ZNF227: variants seen among roughly 807,000 people sequenced by gnomAD.
ZNF227 encodes zinc finger protein 227.
In ZNF227, 12 loss-of-function variants were observed where a neutral mutation model predicts 13.2. The observed-to-expected ratio is 0.91, with a 90% CI of 0.58 to 1.47. ZNF227 has a LOEUF of 1.47. ZNF227 is among the 40% of genes most tolerant of loss of function. The probability of loss-of-function intolerance (pLI) is 0.00; values close to 1 mark genes in which losing one functional copy is unlikely to be tolerated. For synonymous variants in ZNF227, 338 were observed against 326.0 expected (o/e 1.04, Z -0.40); for missense variants, 885 against 967.5 (o/e 0.91, Z 1.13).
chr19:44,224,533 T>C (rs1417433785), intron 3 of ZNF227, among the ~76,000 whole-genome samples: 1 of 152,202 alleles, frequency 6.6e-6, no homozygotes, highest in Non-Finnish European at 1.5e-5. Flanking sequence ...GCCTTCTTTG[T>C]CTCTTTTGAT....
chr19:44,209,227 C>A (rs1568585474), upstream of ZNF227, among the ~76,000 whole-genome samples: 1 of 152,186 alleles, frequency 6.6e-6, no homozygotes, highest in Non-Finnish European at 1.5e-5. Flanking sequence ...ATGACCCCCA[C>A]CCCGCCATCA....
At position 44,235,118 on chromosome 19, in the gene ZNF227, G is replaced by A; in HGVS notation, c.688G>A (p.Glu230Lys). Residue 230 changes from glutamate (E) to lysine (K), a missense_variant, in exon 6 of 6, where the codon GAA becomes AAA. By Grantham distance (56) the Glu-to-Lys change is moderately conservative. Coordinates refer to ENST00000313040, the MANE Select transcript of ZNF227 (RefSeq NM_182490.3). ...AGAACCAAAACCCTGCAAAGGTAAT[G>A]AATATGGCAAAATCATTAGTGATGG... The part of the protein sequence containing the change: ...DTEPKPCKGN[E>K]YGKIISDGSN... 6.2e-7 allele frequency: 1 copy of A among 1,614,138 alleles called. No individual in the cohort carries two copies. Among genetic ancestry groups the A allele is most frequent in the Non-Finnish European group, 8.5e-7 (1 of 1,180,038 alleles).
At chr19:44,222,066 T>G (rs1432168128) in intron 3 of ZNF227, among the ~76,000 whole-genome samples, 2 of 152,194 alleles carry the variant, frequency 1.3e-5, no homozygotes, top group African/African-American at 2.4e-5. Context: ...AAAGATCAGA[T>G]AGTTGTAGAT....
In ZNF227 at chr19:44,235,459, C is replaced by T; in HGVS notation, c.1029C>T (p.Tyr343=). The T allele has an allele frequency of 6.2e-7, 1 of 1,614,090 alleles. No homozygotes were observed. Among genetic ancestry groups the T allele is most frequent in the Non-Finnish European group, 8.5e-7 (1 of 1,180,038 alleles). Reference sequence around the variant, plus strand: ...GCAGCACGGGTCTTATCATTCATTACAGAACTCATACTGGAGAGAAACCCT... The same window carrying T: ...GCAGCACGGGTCTTATCATTCATTATAGAACTCATACTGGAGAGAAACCCT... The part of the protein sequence containing the change: ...FSSSTGLIIH[Y]RTHTGEKPYK... The change falls in exon 6 of 6, where the codon TAC becomes TAT. Residue 343 remains tyrosine (Y), a synonymous_variant. Transcript: ENST00000313040.
At chr19:44,208,411 C>T (rs992751258), upstream of ZNF227, among the ~76,000 whole-genome samples, 9 of 152,192 alleles carry the variant, frequency 5.9e-5, no homozygotes, top group African/African-American at 2.2e-4. Flanking sequence ...TGGTTAAACT[C>T]TTGCAGTGAT....
chr19:44,211,370 T>C (rs931148427), upstream of ZNF227, among the ~76,000 whole-genome samples: 2 of 152,260 alleles, frequency 1.3e-5, no homozygotes, highest in African/African-American at 2.4e-5. Context: ...AATATATATT[T>C]AGTAAATGAG....
In ZNF227 at chr19:44,236,295, A is replaced by C; in HGVS notation, c.1865A>C (p.His622Pro). ...AGTCAGGCCATAGATTTTCGGGTAC[A>C]TCAGAGAGTCCATACTGGAGAGAAG... Reference protein sequence around the residue: ...SFSQAIDFRVHQRVHTGEKPY... With the variant: ...SFSQAIDFRVPQRVHTGEKPY... The change falls in exon 6 of 6, where the codon CAT becomes CCT. Residue 622 changes from histidine (H) to proline (P), a missense_variant. Transcript: ENST00000313040. 6.2e-7 allele frequency: 1 copy of C among 1,613,974 alleles called. No individual in the cohort carries two copies. The highest frequency in any genetic ancestry group is 8.5e-7 in the Non-Finnish European group (1 of 1,179,956).
intron 3 of ZNF227, among the ~76,000 whole-genome samples, chr19:44,220,936 T>C (rs1373284899): frequency 6.6e-6 from 1 of 152,092 alleles, no homozygotes; most frequent in Non-Finnish European, 1.5e-5. Context: ...GCGATAGTAC[T>C]GAGAATGATG....
chr19:44,219,517 A>T (rs568393728), intron 3 of ZNF227, among the ~76,000 whole-genome samples: 54 of 148,632 alleles, frequency 3.6e-4, no homozygotes, highest in African/African-American at 1.3e-3. Flanking sequence ...GAAATTTATG[A>T]AAAAAACTTC....
chr19:44,225,227 A>G (rs2122790382), intron 3 of ZNF227, among the ~76,000 whole-genome samples: 1 of 151,888 alleles, frequency 6.6e-6, no homozygotes, highest in African/African-American at 2.4e-5. Flanking sequence ...AACTTTGGTG[A>G]ATCTGACAAT....
chr19:44,212,341 T>C (rs1971416343), upstream of ZNF227, among the ~76,000 whole-genome samples: 1 of 149,284 alleles, frequency 6.7e-6, no homozygotes, highest in Admixed American at 6.7e-5. Flanking sequence ...ACACTCTCCG[T>C]AACCCTCTCT....
chr19:44,230,924 A>ATAT (rs1311158831), intron 5 of ZNF227, among the ~76,000 whole-genome samples: 10 of 88,304 alleles, frequency 1.1e-4, no homozygotes, highest in South Asian at 3.2e-4. Context: ...AAAAAAAAAA[A>ATAT]AAATATATAT....
Position 44,222,848 on chromosome 19 carries a change from C to T in ZNF227, c.60+4996C>T, listed in dbSNP as rs1001279726. Among the ~76,000 whole-genome samples, 538 of 151,858 alleles carry T rather than the reference C, an allele frequency of 3.5e-3. 2 individuals are homozygous for T. The highest frequency in any genetic ancestry group is 0.013 in the African/African-American group (523 of 41,410). Reference sequence around the variant, plus strand: ...GGCACCCCTGTCTTGTGCCAGTTTTCAAAGGGAATGCTTCCAGTTTTTGCC... The same window carrying T: ...GGCACCCCTGTCTTGTGCCAGTTTTTAAAGGGAATGCTTCCAGTTTTTGCC... On this transcript the variant is annotated intron_variant, in intron 3 of 5. Transcript: ENST00000313040.
intron 4 of ZNF227, chr19:44,229,150 C>T (rs1259200031): frequency 6.6e-6 from 1 of 152,486 alleles, no homozygotes; most frequent in Non-Finnish European, 1.5e-5. Context: ...CACATTGCAA[C>T]AAAAACTGAC....
rs147613653 is a variant in ZNF227 at position 44,225,499 on chromosome 19, C to T, written c.61-2947C>T. The stretch of plus-strand genomic sequence containing the variant: ...TCTTTTTTCTCTGAACTTCCGTTCT[C>T]GCTTCATTTCATTCATTTCATCTTC... On this transcript the variant is annotated intron_variant, in intron 3 of 5. Coordinates refer to ENST00000313040, the MANE Select transcript of ZNF227 (RefSeq NM_182490.3). Among the ~76,000 whole-genome samples the T allele has an allele frequency of 9.1e-3, 1,388 of 152,196 alleles. 27 individuals carry two copies. Among genetic ancestry groups the T allele is most frequent in the African/African-American group, 0.031 (1,278 of 41,516 alleles).
rs544928361 is a variant in ZNF227, at chr19:44,236,275, G to A, written c.1845G>A (p.Gln615=). The A allele has an allele frequency of 5.6e-5, 90 of 1,613,880 alleles. 1 individual carries two copies. The South Asian group carries it at 9.9e-4, about 18-fold the overall frequency. Residue 615 remains glutamine (Q), a synonymous_variant, in exon 6 of 6, where the codon CAG becomes CAA. Transcript: ENST00000313040. ...KCEQCDKSFS[Q]AIDFRVHQRV... Reference sequence around the variant, plus strand: ...AGCAGTGTGATAAGAGCTTCAGTCAGGCCATAGATTTTCGGGTACATCAGA... The same window carrying A: ...AGCAGTGTGATAAGAGCTTCAGTCAAGCCATAGATTTTCGGGTACATCAGA...
chr19:44,217,107 C>G (rs1971973001), intron 2 of ZNF227, among the ~76,000 whole-genome samples: 1 of 151,708 alleles, frequency 6.6e-6, no homozygotes, highest in African/African-American at 2.4e-5. Context: ...GGATTACAGA[C>G]CCGCACCACC....
At chr19:44,230,960 C>T (rs576907683) in intron 5 of ZNF227, among the ~76,000 whole-genome samples, 2 of 125,456 alleles carry the variant, frequency 1.6e-5, no homozygotes, top group Non-Finnish European at 3.1e-5. Context: ...TATATCTTAG[C>T]CAGGCATGTT....
intron 3 of ZNF227, among the ~76,000 whole-genome samples, chr19:44,223,685 A>G (rs1298010754): frequency 6.6e-6 from 1 of 151,936 alleles, no homozygotes; most frequent in Non-Finnish European, 1.5e-5. Context: ...CTAGCGGTCT[A>G]TCAATTTTGT....
Sources: allele counts gnomAD v4.1 joint callset (sites outside exome capture counted in the v4.1 genomes callset), GRCh38; gene constraint gnomAD v4.1.1; transcripts MANE v1.5; gene names NCBI Gene and HGNC (gene_info 2026-07-23, HGNC 2026-07-21).